GRIN2A: variants seen among roughly 807,000 people sequenced by gnomAD.
GRIN2A encodes the protein glutamate ionotropic receptor NMDA type subunit 2A, also known as glutamate receptor ionotropic, NMDA 2A.
GRIN2A carries 22 observed loss-of-function variants against 113.4 expected under a neutral mutation model. The observed-to-expected ratio is 0.19, with a 90% CI of 0.14 to 0.28. GRIN2A has a LOEUF of 0.28. Ranked by LOEUF, GRIN2A falls within the 10% of genes least tolerant of loss-of-function variation. The probability of loss-of-function intolerance (pLI) is 1.00; values close to 1 mark genes in which losing one functional copy is unlikely to be tolerated. For synonymous variants in GRIN2A, 827 were observed against 738.4 expected (o/e 1.12, Z -1.94); for missense variants, 1,502 against 1,887.0 (o/e 0.80, Z 3.78).
chr16:9,941,371 A>G (rs943894370), intron 2 of GRIN2A, among the ~76,000 whole-genome samples: 2 of 152,190 alleles, frequency 1.3e-5, no homozygotes, highest in African/African-American at 4.8e-5. Flanking sequence ...GGTTCTCTAC[A>G]TGTAGAGAGG....
At chr16:10,153,593 G>T (rs187007221) in intron 2 of GRIN2A, among the ~76,000 whole-genome samples, 116 of 152,280 alleles carry the variant, frequency 7.6e-4, no homozygotes, top group Non-Finnish European at 2.6e-4. Flanking sequence ...TCTTGTGCTA[G>T]AACATAAGAT....
chr16:9,849,803 C>A lies in GRIN2A; in HGVS notation c.1281G>T (p.Glu427Asp). ...VIVEDIDPLT[E>D]TCVRNTVPCR... ...ATGGCACGGTGTTCCTCACACACGT[C>A]TCGGTCAGGGGGTCTATGTCTTCCA... The change falls in exon 5 of 13, where the codon GAG becomes GAT. Residue 427 changes from glutamate (E) to aspartate (D), a missense_variant. Physicochemically the swap from Glu to Asp is conservative, Grantham distance 45. Transcript: ENST00000330684. 6.2e-7 allele frequency: 1 copy of A among 1,614,112 alleles called. No individual in the cohort carries two copies. Among genetic ancestry groups the A allele is most frequent in the Non-Finnish European group, 8.5e-7 (1 of 1,180,006 alleles).
rs970613885 is a variant in GRIN2A, at chr16:9,809,203, G to A, written c.2169-10739C>T. On this transcript the variant is annotated intron_variant, in intron 10 of 12. Transcript: ENST00000330684. ...GGGAGGCCGAAGTGGGTGGATTACT[G>A]AAGGTTAGGAGTTTGAGATCAGCCT... Among the ~76,000 whole-genome samples, 4 of 152,110 alleles carry A rather than the reference G, an allele frequency of 2.6e-5. No individual in the cohort carries two copies. In the South Asian group the frequency reaches 8.3e-4, roughly 32 times the overall value.
intron 2 of GRIN2A, among the ~76,000 whole-genome samples, chr16:10,004,338 G>A (rs1015226499): frequency 2.0e-5 from 3 of 150,640 alleles, no homozygotes; most frequent in Admixed American, 6.6e-5. Flanking sequence ...ACAGTGAGCC[G>A]AGATCACACC....
intron 2 of GRIN2A, among the ~76,000 whole-genome samples, chr16:10,155,048 A>G (rs1188629906): frequency 1.3e-5 from 2 of 152,192 alleles, no homozygotes; most frequent in Non-Finnish European, 2.9e-5. Flanking sequence ...GCTCATGTGC[A>G]TTGTAAATAT....
rs112667930 is a variant in GRIN2A, at chr16:10,069,165, T to G, written c.414+110833A>C. Among the ~76,000 whole-genome samples, 1,332 of 151,092 alleles carry G rather than the reference T, an allele frequency of 8.8e-3. 19 individuals are homozygous for G. The highest frequency in any genetic ancestry group is 0.031 in the African/African-American group (1,263 of 41,104). ...AGGAAAGGATGAAGTAGGGGAGGAG[T>G]AGAGGTAGAAGCAGGGAGACCAGTG... On this transcript the variant is annotated intron_variant, in intron 2 of 12. Coordinates refer to ENST00000330684, the MANE Select transcript of GRIN2A (RefSeq NM_001134407.3).
intron 3 of GRIN2A, among the ~76,000 whole-genome samples, chr16:9,933,532 G>C (rs1403314479): frequency 1.3e-5 from 2 of 152,198 alleles, no homozygotes; most frequent in African/African-American, 2.4e-5. Flanking sequence ...TGCTACATAG[G>C]AGGAATAGTG....
At position 10,032,205 on chromosome 16, in the gene GRIN2A, T is replaced by C. The variant is rs117197225; in HGVS notation, c.415-93654A>G. ...TTCAAGAAATCCATGAACAAATAAC[T>C]AAAGAGCTGTGACCTTCAAACAAGC... On this transcript the variant is annotated intron_variant, in intron 2 of 12. Transcript: ENST00000330684. 4.4e-4 allele frequency among the ~76,000 whole-genome samples: 67 copies of C among 152,332 alleles called. No homozygotes were observed. In the East Asian group the frequency reaches 0.012, roughly 28 times the overall value.
At chr16:9,934,531 A>G (rs1480761879) in intron 3 of GRIN2A, among the ~76,000 whole-genome samples, 1 of 151,870 alleles carries the variant, frequency 6.6e-6, no homozygotes, top group Non-Finnish European at 1.5e-5. Flanking sequence ...AAATACAAAA[A>G]TTAGCCAAAT....
At chr16:10,131,276 G>A (rs907380520) in intron 2 of GRIN2A, among the ~76,000 whole-genome samples, 1 of 152,136 alleles carries the variant, frequency 6.6e-6, no homozygotes, top group Non-Finnish European at 1.5e-5. Flanking sequence ...GTAGTAGTGA[G>A]GGGCCATGGA....
intron 4 of GRIN2A, among the ~76,000 whole-genome samples, chr16:9,860,786 G>A (rs1350684885): frequency 6.6e-6 from 1 of 152,116 alleles, no homozygotes; most frequent in Non-Finnish European, 1.5e-5. Context: ...GGTGGGGAAT[G>A]AGGGCCCAGT....
chr16:9,995,616 C>T (rs2046208266), intron 2 of GRIN2A, among the ~76,000 whole-genome samples: 1 of 152,114 alleles, frequency 6.6e-6, no homozygotes, highest in South Asian at 2.1e-4. Context: ...GAAACTTCCC[C>T]AAACACATAA....
At chr16:9,800,475 A>G (rs916488355) in intron 10 of GRIN2A, among the ~76,000 whole-genome samples, 2 of 152,126 alleles carry the variant, frequency 1.3e-5, no homozygotes, top group African/African-American at 2.4e-5. Flanking sequence ...GCAAAAAAAT[A>G]AAAATAAAAA....
intron 10 of GRIN2A, among the ~76,000 whole-genome samples, chr16:9,816,544 C>G (rs2042190036): frequency 6.6e-6 from 1 of 152,188 alleles, no homozygotes; most frequent in African/African-American, 2.4e-5. Flanking sequence ...ATATTAGGCT[C>G]TTCGGAGTTC....
At chr16:10,023,072 C>G (rs985160716) in intron 2 of GRIN2A, among the ~76,000 whole-genome samples, 17 of 152,302 alleles carry the variant, frequency 1.1e-4, no homozygotes, top group Admixed American at 9.8e-4. Flanking sequence ...ATCAGCCAGA[C>G]TTCCCAAGCC....
chr16:10,133,230 G>A (rs764413198), intron 2 of GRIN2A, among the ~76,000 whole-genome samples: 1 of 152,212 alleles, frequency 6.6e-6, no homozygotes, highest in African/African-American at 2.4e-5. Context: ...AGTTCTGCCT[G>A]CCAGGCCACC....
intron 2 of GRIN2A, among the ~76,000 whole-genome samples, chr16:10,115,518 C>T (rs2048714259): frequency 6.6e-6 from 1 of 152,314 alleles, no homozygotes; most frequent in South Asian, 2.1e-4. Context: ...GCCTGCGCCC[C>T]CCCATAAATC....
Position 9,763,335 on chromosome 16 carries a change from C to T in GRIN2A, c.4209G>A (p.Ser1403=), listed in dbSNP as rs558095250. 1.5e-5 allele frequency: 25 copies of T among 1,614,112 alleles called. No individual in the cohort carries two copies. Among genetic ancestry groups the T allele is most frequent in the South Asian group, 4.4e-5 (4 of 91,080 alleles). ...SQAVNDSYLR[S]SLRSTASYCS... ...AGTACGATGCCGTTGACCTCAAGGA[C>T]GACCGAAGATAGCTGTCATTCACCG... The change falls in exon 13 of 13, where the codon TCG becomes TCA. Residue 1403 remains serine (S), a synonymous_variant. Transcript: ENST00000330684.
rs886052518 is a variant in GRIN2A at position 9,754,790 on chromosome 16, A to G, written c.*8359T>C. 4 of 221,590 alleles carry G rather than the reference A, an allele frequency of 1.8e-5. No homozygotes were observed. Among genetic ancestry groups the G allele is most frequent in the Non-Finnish European group, 3.6e-5 (4 of 110,704 alleles). The allele number at this position is 221,590 out of a possible 1,614,324, so 13.7% of individuals were successfully genotyped here. A position where few individuals can be genotyped will look rare whatever the true frequency, so the allele number is the denominator to read the frequency against. ...AGGCTATGATTGTTTTTCATGGAAA[A>G]AAAAAGACAATGTTTTCGTATTTCT... On this transcript the variant is annotated 3_prime_UTR_variant, in exon 13 of 13. Coordinates refer to ENST00000330684, the MANE Select transcript of GRIN2A (RefSeq NM_001134407.3).
Sources: gnomAD v4.1 joint callset for allele counts (sites outside exome capture counted in the v4.1 genomes callset) on GRCh38, gnomAD v4.1.1 for gene constraint, MANE v1.5 for transcripts, NCBI Gene and HGNC (gene_info 2026-07-23, HGNC 2026-07-21) for gene names.